DDX10: variants seen among roughly 807,000 people sequenced by gnomAD.
The protein encoded by DDX10 is DEAD-box helicase 10.
Under a neutral mutation model 104.3 loss-of-function variants are expected in DDX10, and 74 were observed. That is an observed-to-expected ratio of 0.71 (90% CI 0.59 to 0.86). The LOEUF (loss-of-function observed/expected upper bound fraction) is 0.86, where lower values mean the gene tolerates loss of function less well. DDX10 is among the 40% of genes least tolerant of loss of function. The pLI is 0.00. For synonymous variants in DDX10, 351 were observed against 353.4 expected (o/e 0.99, Z 0.08); for missense variants, 952 against 1,040.0 (o/e 0.92, Z 1.16).
chr11:108,718,024 G>C (rs933927266), intron 11 of DDX10, among the ~76,000 whole-genome samples: 2 of 152,156 alleles, frequency 1.3e-5, no homozygotes, highest in Non-Finnish European at 2.9e-5. Context: ...AATTAGCTGG[G>C]TGTGGTGGTG....
chr11:108,667,004 A>G (rs1003398628), intron 1 of DDX10, among the ~76,000 whole-genome samples: 7 of 152,262 alleles, frequency 4.6e-5, no homozygotes, highest in African/African-American at 1.7e-4. Context: ...AGTCGGTCAC[A>G]CTGCTGATCT....
intron 9 of DDX10, among the ~76,000 whole-genome samples, chr11:108,697,080 T>C (rs535980655): frequency 6.6e-6 from 1 of 152,158 alleles, no homozygotes; most frequent in African/African-American, 2.4e-5. Flanking sequence ...AATACTAATC[T>C]GAAAAAAATG....
intron 15 of DDX10, among the ~76,000 whole-genome samples, chr11:108,847,642 G>T (rs545111703): frequency 3.3e-5 from 5 of 152,150 alleles, no homozygotes; most frequent in Non-Finnish European, 5.9e-5. Flanking sequence ...AATTAAGTTG[G>T]CATGGAATCC....
chr11:108,853,226 G>A (rs1490246088), intron 16 of DDX10, among the ~76,000 whole-genome samples: 1 of 152,134 alleles, frequency 6.6e-6, no homozygotes, highest in African/African-American at 2.4e-5. Context: ...TAACGTGCAG[G>A]CGTGAAACAC....
intron 16 of DDX10, among the ~76,000 whole-genome samples, chr11:108,865,131 G>A (rs532592896): frequency 6.6e-6 from 1 of 152,302 alleles, no homozygotes; most frequent in Admixed American, 6.5e-5. Flanking sequence ...AGTGTTGGAG[G>A]AAGGAGAGAG....
intron 13 of DDX10, among the ~76,000 whole-genome samples, chr11:108,757,275 T>A (rs1233190825): frequency 6.6e-6 from 1 of 152,090 alleles, no homozygotes; most frequent in Non-Finnish European, 1.5e-5. Context: ...AGTTTCCGAC[T>A]TACAAAAACT....
rs943662192 is a variant in DDX10 at position 108,849,685 on chromosome 11, CTT to C, written c.2248-2462_2248-2461del. On this transcript the variant is annotated intron_variant, in intron 15 of 17. Coordinates refer to ENST00000322536, the MANE Select transcript of DDX10 (RefSeq NM_004398.4). ...AGAACTAAAGATAACATTTTGCCTT[CTT>C]TTTTTGTAGCATAAAATAGTTTTTG... Among the ~76,000 whole-genome samples the C allele has an allele frequency of 6.6e-5, 10 of 152,086 alleles. No homozygotes were observed. In the East Asian group the frequency reaches 1.9e-3, roughly 29 times the overall value.
chr11:108,845,600 G>C (rs1182265918), intron 15 of DDX10, among the ~76,000 whole-genome samples: 1 of 152,128 alleles, frequency 6.6e-6, no homozygotes, highest in African/African-American at 2.4e-5. Context: ...GACAGAAAAA[G>C]GTGACGAAAC....
chr11:108,678,523 G>C, intron 5 of DDX10, 88 bp downstream of exon 5: 1 of 1,277,468 alleles, frequency 7.8e-7, no homozygotes, highest in South Asian at 2.1e-5. Context: ...GAAATTTTAT[G>C]TTAGATAAAT....
At chr11:108,800,361 C>T (rs997073747) in intron 13 of DDX10, among the ~76,000 whole-genome samples, 1 of 145,092 alleles carries the variant, frequency 6.9e-6, no homozygotes, top group Non-Finnish European at 1.5e-5. Flanking sequence ...AGGAGAATGG[C>T]ATCAACCCGG....
chr11:108,707,974 C>T (rs923078970), intron 10 of DDX10, among the ~76,000 whole-genome samples: 16 of 152,092 alleles, frequency 1.1e-4, no homozygotes, highest in African/African-American at 3.9e-4. Context: ...TTTGTGTAGA[C>T]CTAAGTTTTC....
chr11:108,771,328 T>A (rs1278324646), intron 13 of DDX10, among the ~76,000 whole-genome samples: 1 of 152,046 alleles, frequency 6.6e-6, no homozygotes, highest in Non-Finnish European at 1.5e-5. Context: ...ATTGATTGTT[T>A]CCTTTGCTGT....
At chr11:108,914,928 GTC>G (rs971221975) in intron 16 of DDX10, among the ~76,000 whole-genome samples, 19 of 151,444 alleles carry the variant, frequency 1.3e-4, no homozygotes, top group African/African-American at 4.1e-4. Flanking sequence ...GTTTGGCATT[GTC>G]AGAAGAAAGG....
At position 108,673,485 on chromosome 11, in the gene DDX10, A is replaced by T. The variant is rs1394303505; in HGVS notation, c.205A>T (p.Thr69Ser). 6.3e-7 allele frequency: 1 copy of T among 1,597,752 alleles called. No individual in the cohort carries two copies. Among genetic ancestry groups the T allele is most frequent in the East Asian group, 2.2e-5 (1 of 44,702 alleles). ...TTTCCAGATAAATGTAAATGAAATC[A>T]CAAGATTTTCAGATTTTCCCTTGTC... ...NYEKINVNEI[T>S]RFSDFPLSKK... The change falls in exon 2 of 18, where the codon ACA becomes TCA. Residue 69 changes from threonine (T) to serine (S), a missense_variant. Coordinates refer to ENST00000322536, the MANE Select transcript of DDX10 (RefSeq NM_004398.4).
intron 9 of DDX10, among the ~76,000 whole-genome samples, chr11:108,697,235 T>G (rs2134454149): frequency 6.6e-6 from 1 of 151,880 alleles, no homozygotes; most frequent in Non-Finnish European, 1.5e-5. Context: ...TTTTTTTTTT[T>G]TTTTTTTCTG....
At chr11:108,739,065 G>GC (rs929470347) in intron 13 of DDX10, among the ~76,000 whole-genome samples, 7 of 151,986 alleles carry the variant, frequency 4.6e-5, no homozygotes, top group South Asian at 2.1e-4. Flanking sequence ...AAACAACTCT[G>GC]CCCCCCCAGG....
At chr11:108,729,802 C>G (rs1467886659) in intron 13 of DDX10, 3 of 152,104 alleles carry the variant, frequency 2.0e-5, no homozygotes, top group Admixed American at 1.3e-4. Context: ...CTAAAACAAA[C>G]AACACAATGC....
chr11:108,734,340 T>G (rs978807957), intron 13 of DDX10, among the ~76,000 whole-genome samples: 2 of 152,226 alleles, frequency 1.3e-5, no homozygotes, highest in Non-Finnish European at 2.9e-5. Context: ...CTCATTTGTC[T>G]TATAGGTGTC....
intron 13 of DDX10, among the ~76,000 whole-genome samples, chr11:108,812,202 T>G (rs992342750): frequency 7.2e-5 from 11 of 152,180 alleles, no homozygotes; most frequent in Non-Finnish European, 1.5e-4. Context: ...GACAACAAAA[T>G]CAATAACTAA....
Sources: gnomAD v4.1 joint callset for allele counts (sites outside exome capture counted in the v4.1 genomes callset) on GRCh38, gnomAD v4.1.1 for gene constraint, MANE v1.5 for transcripts, NCBI Gene and HGNC (gene_info 2026-07-23, HGNC 2026-07-21) for gene names.